Variants in GRIK1 observed in about 807,000 individuals in gnomAD.
The protein encoded by GRIK1 is glutamate receptor ionotropic, kainate 1.
GRIK1 carries 69 observed loss-of-function variants against 105.7 expected under a neutral mutation model. That is an observed-to-expected ratio of 0.65 (90% CI 0.54 to 0.80). The LOEUF (loss-of-function observed/expected upper bound fraction) is 0.80, where lower values mean the gene tolerates loss of function less well. Ranked by LOEUF, GRIK1 falls within the 30% of genes least tolerant of loss-of-function variation. The pLI is 0.00. For synonymous variants in GRIK1, 438 were observed against 431.3 expected (o/e 1.02, Z -0.19); for missense variants, 1,109 against 1,167.3 (o/e 0.95, Z 0.73).
intron 4 of GRIK1, among the ~76,000 whole-genome samples, chr21:29,664,129 G>C (rs2063017013): frequency 6.6e-6 from 1 of 152,282 alleles, no homozygotes. Flanking sequence ...TTGGTTGGGG[G>C]AAGAACAAAG....
At chr21:29,664,900 C>T (rs1053233168) in intron 4 of GRIK1, among the ~76,000 whole-genome samples, 1 of 152,148 alleles carries the variant, frequency 6.6e-6, no homozygotes, top group African/African-American at 2.4e-5. Context: ...ATGCACCTTC[C>T]TACAATTTTG....
intron 1 of GRIK1, among the ~76,000 whole-genome samples, chr21:29,894,602 A>T (rs2070041972): frequency 6.6e-6 from 1 of 152,104 alleles, no homozygotes; most frequent in Non-Finnish European, 1.5e-5. Context: ...GGCGACACCC[A>T]CACAGACATG....
chr21:29,635,631 T>C (rs147733063), intron 7 of GRIK1, among the ~76,000 whole-genome samples: 2,960 of 152,288 alleles, frequency 0.019, 51 homozygotes, highest in Non-Finnish European at 0.029. Flanking sequence ...AGTTGACCAA[T>C]TGGTTTTTTG....
chr21:29,719,646 C>T (rs2064272464), intron 1 of GRIK1, among the ~76,000 whole-genome samples: 1 of 152,050 alleles, frequency 6.6e-6, no homozygotes, highest in Admixed American at 6.5e-5. Context: ...TGCCAGGCAT[C>T]TCAGCTTTAA....
At chr21:29,557,342 C>T (rs534563924) in intron 15 of GRIK1, among the ~76,000 whole-genome samples, 1 of 152,194 alleles carries the variant, frequency 6.6e-6, no homozygotes, top group Non-Finnish European at 1.5e-5. Context: ...ACTTACAGTT[C>T]AGTACACATT....
chr21:29,682,050 C>A (rs1601440538), intron 3 of GRIK1, among the ~76,000 whole-genome samples: 1 of 152,210 alleles, frequency 6.6e-6, no homozygotes, highest in African/African-American at 2.4e-5. Context: ...CAAGCCTGGG[C>A]TTGAACTCTT....
intron 1 of GRIK1, among the ~76,000 whole-genome samples, chr21:29,812,753 G>A (rs2067045181): frequency 6.6e-6 from 1 of 152,176 alleles, no homozygotes; most frequent in Non-Finnish European, 1.5e-5. Context: ...GCCAGGCTGG[G>A]TCAGCTCAGA....
intron 1 of GRIK1, among the ~76,000 whole-genome samples, chr21:29,724,849 T>A (rs1195602594): frequency 6.6e-6 from 1 of 152,132 alleles, no homozygotes; most frequent in South Asian, 2.1e-4. Context: ...GCGTATGTTT[T>A]ATTTTGTTAT....
intron 1 of GRIK1, among the ~76,000 whole-genome samples, chr21:29,778,421 C>T (rs1038188119): frequency 1.4e-4 from 22 of 152,258 alleles, no homozygotes; most frequent in African/African-American, 2.9e-4. Flanking sequence ...CAGTTCCTTG[C>T]GGCGACTCAG....
chr21:29,755,821 T>A (rs1189752960), intron 1 of GRIK1, among the ~76,000 whole-genome samples: 2 of 152,196 alleles, frequency 1.3e-5, no homozygotes, highest in East Asian at 3.9e-4. Context: ...AGAATTTAAC[T>A]CAGTGCCTGG....
intron 1 of GRIK1, among the ~76,000 whole-genome samples, chr21:29,888,610 T>A (rs2069769697): frequency 7.2e-5 from 11 of 152,128 alleles, no homozygotes; most frequent in Admixed American, 7.2e-4. Context: ...GACTAGTCTA[T>A]TTCTGAAAGC....
chr21:29,572,827 A>G (rs113538608), intron 14 of GRIK1, among the ~76,000 whole-genome samples: 1,841 of 151,992 alleles, frequency 0.012, 15 homozygotes, highest in Non-Finnish European at 0.02. Context: ...CTGGAATGCA[A>G]TGGTGCGATC....
chr21:29,925,278 A>C (rs976578361), intron 1 of GRIK1, among the ~76,000 whole-genome samples: 1 of 151,978 alleles, frequency 6.6e-6, no homozygotes, highest in East Asian at 1.9e-4. Flanking sequence ...GACCCTCCCA[A>C]CTCTGAAGTT....
intron 1 of GRIK1, among the ~76,000 whole-genome samples, chr21:29,851,047 A>AAATGATT (rs1453678531): frequency 6.8e-6 from 1 of 146,474 alleles, no homozygotes; most frequent in East Asian, 2.1e-4. Context: ...AATCAACTAG[A>AAATGATT]AATGATTTCT....
At position 29,689,833 on chromosome 21, in the gene GRIK1, A is replaced by C; in HGVS notation, c.439T>G (p.Tyr147Asp). ...GCATAATCTGGGTAAAGGTTGATGT[A>C]AAACAAATCTTTGTTGTCCACCGAG... ...HPSVDNKDLF[Y>D]INLYPDYAAI... The change falls in exon 3 of 18, where the codon TAC (tyrosine) becomes GAC (aspartate). Residue 147 changes from tyrosine to aspartate, a missense_variant. Coordinates refer to ENST00000327783, the MANE Select transcript of GRIK1 (RefSeq NM_001330994.2). 1 of 1,614,020 alleles carries C rather than the reference A, an allele frequency of 6.2e-7. No homozygotes were observed. The highest frequency in any genetic ancestry group is 1.1e-5 in the South Asian group (1 of 91,070).
intron 1 of GRIK1, among the ~76,000 whole-genome samples, chr21:29,699,007 G>A (rs528867643): frequency 1.4e-4 from 21 of 152,240 alleles, no homozygotes; most frequent in Non-Finnish European, 2.4e-4. Flanking sequence ...TGCTCCCACT[G>A]TACTTTTCTG....
chr21:29,559,302 T>G (rs1474752974), intron 15 of GRIK1, among the ~76,000 whole-genome samples: 2 of 152,136 alleles, frequency 1.3e-5, no homozygotes. Flanking sequence ...TTATCTAAAA[T>G]GAGGTGGTGA....
Position 29,693,926 on chromosome 21 carries a change from G to T in GRIK1, c.256C>A (p.Leu86Ile), listed in dbSNP as rs865774071. The change falls in exon 2 of 18, where the codon CTT (leucine) becomes ATT (isoleucine). Residue 86 changes from leucine (L) to isoleucine (I), a missense_variant. Leu to Ile is a conservative substitution (Grantham distance 5). Transcript: ENST00000327783. ...TLTYDIQRINLFDSFEASRRA... is the reference protein window; with the variant it reads ...TLTYDIQRINIFDSFEASRRA... ...CGCGAGGCTTCAAAACTATCAAAAAGGTTAATTCTCTGGATGTCATAGGTT... is the reference window on the plus strand; with the variant it reads ...CGCGAGGCTTCAAAACTATCAAAAATGTTAATTCTCTGGATGTCATAGGTT... 1.4e-5 allele frequency: 22 copies of T among 1,613,428 alleles called. No homozygotes were observed. The highest frequency in any genetic ancestry group is 1.7e-4 in the Middle Eastern group (1 of 6,058).
chr21:29,689,890 C>T lies in GRIK1; in HGVS notation c.382G>A (p.Val128Ile). 1 of 1,613,844 alleles carries T rather than the reference C, an allele frequency of 6.2e-7. No homozygotes were observed. The highest frequency in any genetic ancestry group is 8.5e-7 in the Non-Finnish European group (1 of 1,179,908). Residue 128 changes from valine to isoleucine, a missense_variant, in exon 3 of 18, where the codon GTT (valine) becomes ATT (isoleucine). Around this residue, in one of 5 missense-constraint regions of GRIK1, gnomAD observed 612 missense variants for 586.0 expected, o/e 1.04. Coordinates refer to ENST00000327783, the MANE Select transcript of GRIK1 (RefSeq NM_001330994.2). ...AVQSICNALE[V>I]PHIQTRWKHP... ...TTCCAGCGGGTCTGTATGTGTGGAACTTCGAGAGCATTGCAAATAGACTGC... is the reference window on the plus strand; with the variant it reads ...TTCCAGCGGGTCTGTATGTGTGGAATTTCGAGAGCATTGCAAATAGACTGC...
Sources: allele counts gnomAD v4.1 joint callset (sites outside exome capture counted in the v4.1 genomes callset), GRCh38; gene constraint gnomAD v4.1.1; regional missense constraint gnomAD v4.1.1; transcripts MANE v1.5; gene names NCBI Gene and HGNC (gene_info 2026-07-23, HGNC 2026-07-21).